The following CYP3A43 variants were observed in gnomAD, a reference collection of about 807,000 sequenced individuals.
The protein encoded by CYP3A43 is cytochrome P450 3A43.
A neutral mutation model predicts 58.0 loss-of-function variants in CYP3A43; 45 were observed. That is an observed-to-expected ratio of 0.78 (90% CI 0.61 to 0.99). CYP3A43 has a LOEUF of 0.99. CYP3A43 is among the 50% of genes least tolerant of loss of function. CYP3A43 has a pLI of 0.00. For synonymous variants in CYP3A43, 191 were observed against 201.4 expected (o/e 0.95, Z 0.44); for missense variants, 593 against 591.9 (o/e 1.00, Z -0.02).
intron 9 of CYP3A43, 50 bp downstream of exon 9, chr7:99,856,949 A>C: frequency 6.4e-7 from 1 of 1,570,798 alleles, no homozygotes; most frequent in South Asian, 1.2e-5. Context: ...CTCAGAGAGA[A>C]GGCCCTGTTC....
In CYP3A43 at chr7:99,828,040, T is replaced by G; in HGVS notation, c.-76T>G. The G allele has an allele frequency of 8.1e-7, 1 of 1,234,656 alleles. No individual in the cohort carries two copies. The highest frequency in any genetic ancestry group is 2.3e-5 in the East Asian group (1 of 42,878). 76.5% of individuals were successfully genotyped at this position (1,234,656 alleles called of 1,614,324 possible). ...CTCTGGGCAGAGAAACAAAGCTCTA[T>G]ATGCACAGCCCAGCAAAGAGCAGCA... On this transcript the variant is annotated 5_prime_UTR_variant, in exon 1 of 13. Transcript: ENST00000354829.
chr7:99,850,419 A>G (rs1817715436), intron 7 of CYP3A43, among the ~76,000 whole-genome samples: 1 of 149,870 alleles, frequency 6.7e-6, no homozygotes, highest in South Asian at 2.1e-4. Flanking sequence ...GCGCCACCAC[A>G]CCCAACTAAT....
At chr7:99,836,400 C>T in intron 1 of CYP3A43, 53 bp from the exon 2 acceptor site, 2 of 1,488,214 alleles carry the variant, frequency 1.3e-6, no homozygotes, top group African/African-American at 1.4e-5. Context: ...TGGCCAACCC[C>T]TTATCTATAA....
chr7:99,847,514 A>C lies in CYP3A43; in HGVS notation c.345A>C (p.Lys115Asn), dbSNP rs749033169. The C allele has an allele frequency of 1.9e-6, 3 of 1,614,018 alleles. No homozygotes were observed. The highest frequency in any genetic ancestry group is 2.5e-6 in the Non-Finnish European group (3 of 1,179,954). The change falls in exon 5 of 13, where the codon AAA becomes AAC. Residue 115 changes from lysine to asparagine, a missense_variant. Physicochemically the swap from Lys to Asn is moderately conservative, Grantham distance 94. Coordinates refer to ENST00000354829, the MANE Select transcript of CYP3A43 (RefSeq NM_057095.3). ...CTTTAGGTCCAATGGGATTTCTGAA[A>C]AGTGCCTTAAGTTTTGCTGAAGATG... ...QMPLGPMGFLKSALSFAEDEE... is the reference protein window; with the variant it reads ...QMPLGPMGFLNSALSFAEDEE...
intron 12 of CYP3A43, 84 bp from the exon 13 acceptor site, chr7:99,865,822 C>G: frequency 1.1e-6 from 1 of 949,796 alleles, no homozygotes; most frequent in Middle Eastern, 2.3e-4. Flanking sequence ...AAAGCATTAC[C>G]CTTGATGTCA....
At chr7:99,846,291 A>G (rs936690446) in intron 4 of CYP3A43, among the ~76,000 whole-genome samples, 2 of 152,138 alleles carry the variant, frequency 1.3e-5, no homozygotes, top group Non-Finnish European at 2.9e-5. Context: ...AATTTTTAGC[A>G]TAGAGATCCT....
At position 99,855,667 on chromosome 7, in the gene CYP3A43, A is replaced by T. The variant is rs767952577; in HGVS notation, c.747A>T (p.Leu249Phe). ...GLFPKDVTHF[L>F]KNSIERMKES... ...TTCCAAAAGATGTTACCCATTTTTT[A>T]AAAAATTCCATTGAAAGGATGAAAG... The change falls in exon 8 of 13, where the codon TTA (leucine) becomes TTT (phenylalanine). Residue 249 changes from leucine (L) to phenylalanine (F), a missense_variant. Leu to Phe is a conservative substitution (Grantham distance 22). Coordinates refer to ENST00000354829, the MANE Select transcript of CYP3A43 (RefSeq NM_057095.3). The T allele has an allele frequency of 3.7e-5, 59 of 1,613,104 alleles. No individual in the cohort carries two copies. The highest frequency in any genetic ancestry group is 1.6e-4 in the Middle Eastern group (1 of 6,076).
rs550450821 is a variant in CYP3A43, at chr7:99,859,875, T to C, written c.911T>C (p.Phe304Ser). 32 of 1,614,210 alleles carry C rather than the reference T, an allele frequency of 2.0e-5. No individual in the cohort carries two copies. The highest frequency in any genetic ancestry group is 6.7e-5 in the East Asian group (3 of 44,888). Residue 304 changes from phenylalanine to serine, a missense_variant, in exon 10 of 13, where the codon TTT becomes TCT. Transcript: ENST00000354829. ...GTGGCCCAGTCAATTATCATCATTT[T>C]TGCTGCCTATGACACAACTAGCACC... ...ELVAQSIIIIFAAYDTTSTTL... is the reference protein window; with the variant it reads ...ELVAQSIIIISAAYDTTSTTL...
intron 7 of CYP3A43, among the ~76,000 whole-genome samples, chr7:99,851,477 T>TTTAAA (rs140485924): frequency 0.19 from 29,439 of 151,986 alleles, 5,739 homozygotes; most frequent in African/African-American, 0.51. Context: ...TTCTCATTTG[T>TTTAAA]TTATAGACAC....
chr7:99,855,611 C>T lies in CYP3A43; in HGVS notation c.691C>T (p.Pro231Ser), dbSNP rs144120439. ...TATAGCACTCTTTCCATTTCTTACC[C>T]CAGTTTTTGAAGCCCTAAATATCGG... ...LLISLFPFLT[P>S]VFEALNIGLF... Residue 231 changes from proline (P) to serine (S), a missense_variant, in exon 8 of 13, where the codon CCA (proline) becomes TCA (serine). Coordinates refer to ENST00000354829, the MANE Select transcript of CYP3A43 (RefSeq NM_057095.3). 30 of 1,610,168 alleles carry T rather than the reference C, an allele frequency of 1.9e-5. No individual in the cohort carries two copies. The highest frequency in any genetic ancestry group is 1.6e-4 in the South Asian group (14 of 90,320).
chr7:99,847,510 T>G lies in CYP3A43; in HGVS notation c.341T>G (p.Leu114Arg), dbSNP rs747244688. ...AAGCCTTTAGGTCCAATGGGATTTC[T>G]GAAAAGTGCCTTAAGTTTTGCTGAA... ...NQMPLGPMGF[L>R]KSALSFAEDE... Residue 114 changes from leucine to arginine, a missense_variant, in exon 5 of 13, where the codon CTG becomes CGG. Leu to Arg is a moderately radical substitution (Grantham distance 102). Transcript: ENST00000354829. 78 of 1,613,878 alleles carry G rather than the reference T, an allele frequency of 4.8e-5. No individual in the cohort carries two copies. The highest frequency in any genetic ancestry group is 6.4e-5 in the Non-Finnish European group (75 of 1,179,964).
Position 99,842,233 on chromosome 7 carries a change from C to G in CYP3A43, c.219-1910C>G, listed in dbSNP as rs1018697118. ...CTCCCTAGCTATATAAAAAAGTATC[C>G]TTTCCCTCCATCTTTGCCAATCTAT... On this transcript the variant is annotated intron_variant, in intron 3 of 12. Transcript: ENST00000354829. Among the ~76,000 whole-genome samples, 11 of 152,172 alleles carry G rather than the reference C, an allele frequency of 7.2e-5. No homozygotes were observed. In the South Asian group the frequency reaches 1.9e-3, roughly 26 times the overall value.
At chr7:99,836,979 CT>C (rs1817109389) in intron 2 of CYP3A43, among the ~76,000 whole-genome samples, 1 of 152,066 alleles carries the variant, frequency 6.6e-6, no homozygotes, top group African/African-American at 2.4e-5. Flanking sequence ...CTTTAGTAAG[CT>C]TTTGTTTCCT....
chr7:99,849,838 T>A, intron 7 of CYP3A43, 144 bp downstream of exon 7: 1 of 867,316 alleles, frequency 1.2e-6, no homozygotes. Context: ...CATTTAAAGA[T>A]ATGCACAACC....
At chr7:99,831,074 A>G (rs555080307) in intron 1 of CYP3A43, among the ~76,000 whole-genome samples, 50 of 152,288 alleles carry the variant, frequency 3.3e-4, no homozygotes, top group African/African-American at 1.2e-3. Context: ...TGGGCAGATA[A>G]TGGATTATAA....
At chr7:99,863,781 T>C (rs984311100) in intron 12 of CYP3A43, 82 bp downstream of exon 12, 1 of 1,148,762 alleles carries the variant, frequency 8.7e-7, no homozygotes, top group African/African-American at 2.6e-5. Context: ...TTATTGTTCA[T>C]TTTTCAATAA....
rs964467943 is a variant in CYP3A43, at chr7:99,863,456, G to C, written c.1254-81G>C. On this transcript the variant is annotated intron_variant, in intron 11 of 12. Transcript: ENST00000354829. ...CCAAGGAGGTCCTCGCCTCCCAAAA[G>C]CCACCACACCCTGCATAACGTGTAG... The C allele has an allele frequency of 2.4e-6, 3 of 1,267,938 alleles. No individual in the cohort carries two copies. In the East Asian group the frequency reaches 8.0e-5, roughly 34 times the overall value. 78.5% of individuals were successfully genotyped at this position (1,267,938 alleles called of 1,614,324 possible).
Position 99,863,682 on chromosome 7 carries a change from C to T in CYP3A43, c.1399C>T (p.Pro467Ser), listed in dbSNP as rs778989156. The change falls in exon 12 of 13, where the codon CCT (proline) becomes TCT (serine). Residue 467 changes from proline (P) to serine (S), a missense_variant. By Grantham distance (74) the Pro-to-Ser change is moderately conservative. Coordinates refer to ENST00000354829, the MANE Select transcript of CYP3A43 (RefSeq NM_057095.3). ...IRALQNFSFK[P>S]CKETQIPLKL... is the part of the protein sequence containing the mutation. ...AGCACTGCAGAACTTCTCCTTCAAA[C>T]CTTGTAAAGAGACTCAGGTCAGTAA... 14 of 1,602,604 alleles carry T rather than the reference C, an allele frequency of 8.7e-6. No homozygotes were observed. In the Admixed American group the frequency reaches 1.0e-4, roughly 12 times the overall value.
Position 99,849,692 on chromosome 7 carries a change from T to C in CYP3A43, c.668T>C (p.Ile223Thr). The stretch of plus-strand genomic sequence containing the variant: ...TTTTTGGATCCCTTTTTACTCTTAA[T>C]ATGTATGTGGACTTTTATGTTATTT... ...LDFLDPFLLL[I>T]SLFPFLTPVF... The change falls in exon 7 of 13, where the codon ATA (isoleucine) becomes ACA (threonine). Residue 223 changes from isoleucine (I) to threonine (T), a missense_variant and splice_region_variant. Ile to Thr is a moderately conservative substitution (Grantham distance 89). Coordinates refer to ENST00000354829, the MANE Select transcript of CYP3A43 (RefSeq NM_057095.3). The C allele has an allele frequency of 6.3e-7, 1 of 1,594,278 alleles. No homozygotes were observed. Among genetic ancestry groups the C allele is most frequent in the South Asian group, 1.1e-5 (1 of 87,126 alleles).
Sources: allele counts gnomAD v4.1 joint callset (sites outside exome capture counted in the v4.1 genomes callset), GRCh38; gene constraint gnomAD v4.1.1; transcripts MANE v1.5; gene names NCBI Gene and HGNC (gene_info 2026-07-23, HGNC 2026-07-21).